The following P2RY8 variants were observed in gnomAD, a reference collection of about 807,000 sequenced individuals.
P2RY8 encodes S-geranylgeranyl-glutathione receptor P2RY8.
Under a neutral mutation model 10.0 loss-of-function variants are expected in P2RY8, and 6 were observed. That is an observed-to-expected ratio of 0.60 (90% CI 0.33 to 1.19). The LOEUF (loss-of-function observed/expected upper bound fraction) is 1.19. Among genes scored for constraint, P2RY8 ranks in the 50% most tolerant of loss-of-function variants. The pLI, the probability that P2RY8 is intolerant of heterozygous loss-of-function variation, is 0.04. For missense variants in P2RY8, 456 were observed against 542.0 expected (o/e 0.84, Z 1.58); for synonymous variants, 276 against 252.5 (o/e 1.09, Z -0.88).
chrX:1,516,951 A>G (rs1311115428), intron 1 of P2RY8, among the ~76,000 whole-genome samples: 1 of 151,668 alleles, frequency 6.6e-6, no homozygotes, highest in Non-Finnish European at 1.5e-5. Flanking sequence ...AGTCTATGGT[A>G]TTCTGTGTTA....
At chrX:1,480,392 G>A (rs1462947108) in intron 1 of P2RY8, among the ~76,000 whole-genome samples, 2 of 71,316 alleles carry the variant, frequency 2.8e-5, no homozygotes, top group Non-Finnish European at 5.8e-5. Flanking sequence ...GCGCTTCCCG[G>A]GTTTTTTTTT....
intron 1 of P2RY8, among the ~76,000 whole-genome samples, chrX:1,512,801 A>G (rs2092308760): frequency 6.6e-6 from 1 of 151,722 alleles, no homozygotes; most frequent in African/African-American, 2.4e-5. Flanking sequence ...ATAAAGTTCA[A>G]TTATCTCTGC....
intron 1 of P2RY8, among the ~76,000 whole-genome samples, chrX:1,517,501 C>T (rs113639619): frequency 3.8e-4 from 58 of 152,268 alleles, no homozygotes; most frequent in African/African-American, 1.3e-3. Flanking sequence ...TGCTGTTCCA[C>T]CCTCCAGAGT....
In P2RY8 at chrX:1,463,861, T is replaced by A. The variant is rs2149366660; in HGVS notation, c.*1618A>T. The A allele has an allele frequency of 4.3e-6, 1 of 233,382 alleles. No homozygotes were observed. The highest frequency in any genetic ancestry group is 6.0e-5 in the East Asian group (1 of 16,602). The allele number at this position is 233,382 out of a possible 1,614,324, so 14.5% of individuals were successfully genotyped here. On this transcript the variant is annotated 3_prime_UTR_variant, in exon 2 of 2. Transcript: ENST00000381297. ...CCTCTTCCGTCTCTCATAGGGACACTGGATTGGGCCCATTGTAAATGCAGT... is the reference window on the plus strand; with the variant it reads ...CCTCTTCCGTCTCTCATAGGGACACAGGATTGGGCCCATTGTAAATGCAGT...
Position 1,482,958 on chromosome X carries a change from G to C in P2RY8, c.-24-16376C>G, listed in dbSNP as rs1603456663. Among the ~76,000 whole-genome samples the C allele has an allele frequency of 1.3e-5, 2 of 152,072 alleles. 1 individual carries two copies. The highest frequency in any genetic ancestry group is 1.3e-4 in the Admixed American group (2 of 15,254). On this transcript the variant is annotated intron_variant, in intron 1 of 1. Coordinates refer to ENST00000381297, the MANE Select transcript of P2RY8 (RefSeq NM_178129.5). ...GGGACTGTTGTGGGGTGGGGGGACG[G>C]GGGAGGGATAGCATTAGGAGATATA...
chrX:1,528,268 G>A (rs1172862308), intron 1 of P2RY8, among the ~76,000 whole-genome samples: 2 of 152,200 alleles, frequency 1.3e-5, no homozygotes. Context: ...TTCATCTATT[G>A]CATCTCACAG....
rs1185941552 is a variant in P2RY8, at chrX:1,495,596, A to G, written c.-24-29014T>C. Among the ~76,000 whole-genome samples, 2 of 139,340 alleles carry G rather than the reference A, an allele frequency of 1.4e-5. 1 individual carries two copies. Among genetic ancestry groups the G allele is most frequent in the Admixed American group, 1.4e-4 (2 of 14,104 alleles). The allele number at this position is 139,340 out of a possible 152,430, so 91.4% of individuals were successfully genotyped here. ...GGAGAATCAATGTTTGTTGTTTCTA[A>G]GCTGCCCAGTCTATGGTATTCTGGG... On this transcript the variant is annotated intron_variant, in intron 1 of 1. Transcript: ENST00000381297.
chrX:1,519,397 C>G (rs1233320191), intron 1 of P2RY8, among the ~76,000 whole-genome samples: 1 of 151,704 alleles, frequency 6.6e-6, no homozygotes, highest in African/African-American at 2.4e-5. Context: ...CTCTCTGGTC[C>G]CCAATAATCT....
chrX:1,498,283 G>A (rs1205568061), intron 1 of P2RY8, among the ~76,000 whole-genome samples: 3 of 150,604 alleles, frequency 2.0e-5, no homozygotes. Flanking sequence ...GCGGGTGCCT[G>A]TAGTCCCAGC....
intron 1 of P2RY8, among the ~76,000 whole-genome samples, chrX:1,476,117 G>T (rs1471514790): frequency 6.6e-6 from 1 of 152,186 alleles, no homozygotes; most frequent in Non-Finnish European, 1.5e-5. Flanking sequence ...CAGGAGGGAG[G>T]AGGTACAGGT....
At chrX:1,524,669 T>A in intron 1 of P2RY8, among the ~76,000 whole-genome samples, 2 of 51,096 alleles carry the variant, frequency 3.9e-5, no homozygotes, top group South Asian at 8.7e-4. Flanking sequence ...ATCCATCCAT[T>A]CATCCATCCA....
intron 1 of P2RY8, among the ~76,000 whole-genome samples, chrX:1,477,381 CTCTA>C (rs2149382057): frequency 6.7e-6 from 1 of 150,318 alleles, no homozygotes; most frequent in East Asian, 1.9e-4. Flanking sequence ...TCAATTTTCT[CTCTA>C]TCAATTACTT....
At chrX:1,484,745 AAAAGAAGAAG>A (rs1396556929) in intron 1 of P2RY8, among the ~76,000 whole-genome samples, 29 of 134,992 alleles carry the variant, frequency 2.1e-4, no homozygotes, top group Non-Finnish European at 2.5e-4. Context: ...AAAAAAAAAA[AAAAGAAGAAG>A]AAGAAGAAGA....
rs760054031 is a variant in P2RY8, at chrX:1,462,677, G to A, written c.*2802C>T. Reference sequence around the variant, plus strand: ...TGCCTAGGTTGGCCCTTGAACACCCGGACTCAATCAGTCCTCCCGCCTGAG... The same window carrying A: ...TGCCTAGGTTGGCCCTTGAACACCCAGACTCAATCAGTCCTCCCGCCTGAG... On this transcript the variant is annotated 3_prime_UTR_variant, in exon 2 of 2. Transcript: ENST00000381297. 3 of 232,824 alleles carry A rather than the reference G, an allele frequency of 1.3e-5. No individual in the cohort carries two copies. The highest frequency in any genetic ancestry group is 1.2e-4 in the East Asian group (2 of 16,584). The allele number at this position is 232,824 out of a possible 1,614,324, so 14.4% of individuals were successfully genotyped here.
At chrX:1,506,068 C>T (rs1456287791) in intron 1 of P2RY8, among the ~76,000 whole-genome samples, 2 of 146,964 alleles carry the variant, frequency 1.4e-5, no homozygotes, top group African/African-American at 5.1e-5. Flanking sequence ...TCTTGGCTCA[C>T]TGCAAGCTCC....
At chrX:1,536,437 T>C (rs1212777995) in intron 1 of P2RY8, among the ~76,000 whole-genome samples, 2 of 152,080 alleles carry the variant, frequency 1.3e-5, no homozygotes, top group Admixed American at 1.3e-4. Flanking sequence ...AATTTTTGTA[T>C]TTTTAGTAGA....
At chrX:1,522,794 C>T (rs1224915246) in intron 1 of P2RY8, among the ~76,000 whole-genome samples, 2 of 149,150 alleles carry the variant, frequency 1.3e-5, no homozygotes, top group African/African-American at 2.5e-5. Flanking sequence ...TAAGGCCGGG[C>T]GTGGTGGCTC....
At chrX:1,486,258 T>C (rs1430963028) in intron 1 of P2RY8, among the ~76,000 whole-genome samples, 1 of 152,030 alleles carries the variant, frequency 6.6e-6, no homozygotes, top group African/African-American at 2.4e-5. Context: ...AAAACTTGCA[T>C]ATGAACGTTC....
At chrX:1,536,348 A>G (rs1284913791) in intron 1 of P2RY8, among the ~76,000 whole-genome samples, 2 of 150,322 alleles carry the variant, frequency 1.3e-5, no homozygotes, top group East Asian at 2.0e-4. Flanking sequence ...TGCAAGCTCC[A>G]CCTCCAGGGA....
Sources: gnomAD v4.1 joint callset for allele counts (sites outside exome capture counted in the v4.1 genomes callset) on GRCh38, gnomAD v4.1.1 for gene constraint, MANE v1.5 for transcripts, NCBI Gene and HGNC (gene_info 2026-07-23, HGNC 2026-07-21) for gene names.